R3HDM1: variants seen among roughly 807,000 people sequenced by gnomAD.
R3HDM1 encodes R3H domain containing 1.
A neutral mutation model predicts 141.1 loss-of-function variants in R3HDM1; 46 were observed. The ratio of observed to expected loss-of-function variants is 0.33; its 90% confidence interval spans 0.26 to 0.42. The LOEUF (loss-of-function observed/expected upper bound fraction) is 0.42, where lower values mean the gene tolerates loss of function less well. Among genes scored for constraint, R3HDM1 ranks in the 10% least tolerant of loss-of-function variants. The pLI is 1.00. For missense variants in R3HDM1, 1,184 were observed against 1,368.3 expected, an observed-to-expected ratio of 0.87 and a Z score of 2.12; for synonymous variants, 435 against 472.9, an observed-to-expected ratio of 0.92 and a Z score of 1.04.
At chr2:135,613,286 T>C (rs757376284) in intron 3 of R3HDM1, among the ~76,000 whole-genome samples, 10 of 152,186 alleles carry the variant, frequency 6.6e-5, no homozygotes, top group Non-Finnish European at 1.2e-4. Flanking sequence ...TGGCTGGTTG[T>C]CAGTAAAGGC....
intron 1 of R3HDM1, among the ~76,000 whole-genome samples, chr2:135,567,903 C>CTTTTTT (rs562748072): frequency 8.1e-5 from 6 of 73,792 alleles, no homozygotes; most frequent in African/African-American, 2.5e-4. Context: ...CCACACCTGG[C>CTTTTTT]TTTTTTTTTT....
chr2:135,557,628 G>A (rs962082044), intron 1 of R3HDM1, among the ~76,000 whole-genome samples: 6 of 152,158 alleles, frequency 3.9e-5, no homozygotes, highest in Admixed American at 6.5e-5. Flanking sequence ...TCTTGATCCC[G>A]ATAGCAGTGA....
At chr2:135,645,318 A>G in intron 15 of R3HDM1, 61 bp from the exon 16 acceptor site, 1 of 1,392,732 alleles carries the variant, frequency 7.2e-7, no homozygotes, top group Non-Finnish European at 9.9e-7. Context: ...ATTGTTAGTA[A>G]AAGGACCTAT....
At chr2:135,587,130 T>C (rs1311834804) in intron 1 of R3HDM1, 24 of 453,172 alleles carry the variant, frequency 5.3e-5, no homozygotes, top group African/African-American at 6.4e-5. Flanking sequence ...AATCAAACTA[T>C]GTAATTTTTG....
intron 1 of R3HDM1, chr2:135,561,405 G>T: frequency 1.1e-6 from 1 of 881,870 alleles, no homozygotes; most frequent in Non-Finnish European, 1.4e-6. Context: ...GAATAAAATA[G>T]CAAATGACAT....
At position 135,594,437 on chromosome 2, in the gene R3HDM1, A is replaced by G. The variant is rs149026920; in HGVS notation, c.-249-8063A>G. Among the ~76,000 whole-genome samples, 6 of 152,284 alleles carry G rather than the reference A, an allele frequency of 3.9e-5. No homozygotes were observed. The East Asian group carries it at 1.2e-3, about 29-fold the overall frequency. On this transcript the variant is annotated intron_variant, in intron 1 of 26. Transcript: ENST00000683871. ...CACTCTCACTCATTACAATGCCCTC[A>G]GTCAAAGAATTAGAGATACCCCCAG...
chr2:135,642,786 C>T (rs2063939875), intron 15 of R3HDM1, among the ~76,000 whole-genome samples: 2 of 152,132 alleles, frequency 1.3e-5, no homozygotes, highest in South Asian at 4.1e-4. Context: ...GGACTCATTA[C>T]TTTCAGGTTT....
intron 20 of R3HDM1, among the ~76,000 whole-genome samples, chr2:135,678,862 C>T (rs1459781141): frequency 6.9e-6 from 1 of 145,922 alleles, no homozygotes; most frequent in African/African-American, 2.5e-5. Context: ...CTGGTTCAAG[C>T]AATTCTTGTG....
rs60815896 is a variant in R3HDM1, at chr2:135,537,608, CTTATTTTATTTTATTTTATT to C, written c.-250+6024_-250+6043del. ...GCCTAGGCCTTCATTTTAGTGAGCC[CTTATTTTATTTTATTTTATT>C]TTATTTTATTTTATTTTATTTTATT... On this transcript the variant is annotated intron_variant, in intron 1 of 26. Transcript: ENST00000683871. Among the ~76,000 whole-genome samples the C allele has an allele frequency of 9.5e-3, 1,025 of 107,388 alleles. 6 individuals carry two copies. The highest frequency in any genetic ancestry group is 0.02 in the Middle Eastern group (4 of 202). The allele number at this position is 107,388 out of a possible 152,430, so 70.5% of individuals were successfully genotyped here.
chr2:135,603,274 A>G (rs2059770467), intron 2 of R3HDM1, among the ~76,000 whole-genome samples: 1 of 152,118 alleles, frequency 6.6e-6, no homozygotes, highest in African/African-American at 2.4e-5. Context: ...ACAGGTGTAA[A>G]CCACTGCACC....
intron 19 of R3HDM1, chr2:135,665,370 A>G: frequency 1.9e-6 from 1 of 524,678 alleles, no homozygotes; most frequent in Non-Finnish European, 3.9e-6. Flanking sequence ...TATACATTTA[A>G]TATTTTGCAA....
At chr2:135,718,481 T>G (rs1015236912) in intron 24 of R3HDM1, among the ~76,000 whole-genome samples, 2 of 151,606 alleles carry the variant, frequency 1.3e-5, no homozygotes, top group Non-Finnish European at 2.9e-5. Context: ...GATGTTGGTT[T>G]GTTTGTTGTT....
chr2:135,597,115 A>G, intron 1 of R3HDM1: 1 of 979,406 alleles, frequency 1.0e-6, no homozygotes, highest in Non-Finnish European at 1.2e-6. Context: ...ATAGTCTTAC[A>G]AGACTCCACT....
At chr2:135,649,372 T>C (rs2064878650) in intron 16 of R3HDM1, 1 of 152,158 alleles carries the variant, frequency 6.6e-6, no homozygotes, top group Non-Finnish European at 1.5e-5. Flanking sequence ...TCTTATAAAA[T>C]TGCTAAAAGT....
chr2:135,559,592 T>A (rs1701424004), intron 1 of R3HDM1, among the ~76,000 whole-genome samples: 1 of 152,278 alleles, frequency 6.6e-6, no homozygotes, highest in Non-Finnish European at 1.5e-5. Context: ...CCTTAATCTC[T>A]GTATTATCAA....
intron 21 of R3HDM1, among the ~76,000 whole-genome samples, chr2:135,698,381 A>G (rs2073609406): frequency 6.6e-6 from 1 of 151,910 alleles, no homozygotes; most frequent in African/African-American, 2.4e-5. Context: ...GGATGGTCTC[A>G]ATCTCCTGAC....
At chr2:135,646,222 G>T (rs1297530949) in intron 16 of R3HDM1, among the ~76,000 whole-genome samples, 1 of 149,150 alleles carries the variant, frequency 6.7e-6, no homozygotes, top group Non-Finnish European at 1.5e-5. Flanking sequence ...TGCAAGCTCC[G>T]CCTCCTGGGT....
chr2:135,615,275 G>A (rs564698109), intron 3 of R3HDM1, among the ~76,000 whole-genome samples: 28 of 151,642 alleles, frequency 1.8e-4, no homozygotes, highest in Non-Finnish European at 3.8e-4. Context: ...AAGCATACTA[G>A]TCTGGATATT....
At chr2:135,667,349 A>G in intron 19 of R3HDM1, 1 of 552,118 alleles carries the variant, frequency 1.8e-6, no homozygotes, top group Non-Finnish European at 2.3e-6. Context: ...AAATGGGATA[A>G]TATTGCAACA....
Sources: gnomAD v4.1 joint callset for allele counts (sites outside exome capture counted in the v4.1 genomes callset) on GRCh38, gnomAD v4.1.1 for gene constraint, MANE v1.5 for transcripts, NCBI Gene and HGNC (gene_info 2026-07-23, HGNC 2026-07-21) for gene names.